AAK1: variants seen among roughly 807,000 people sequenced by gnomAD.
AAK1 encodes the protein AP2 associated kinase 1, also known as AP2-associated protein kinase 1.
Under a neutral mutation model 116.0 loss-of-function variants are expected in AAK1, and 37 were observed. That is an observed-to-expected ratio of 0.32 (90% CI 0.25 to 0.42). AAK1 has a LOEUF of 0.42. Ranked by LOEUF, AAK1 falls within the 10% of genes least tolerant of loss-of-function variation. The pLI is 1.00. For synonymous variants in AAK1, 458 were observed against 439.9 expected (o/e 1.04, Z -0.51); for missense variants, 919 against 1,170.6 (o/e 0.79, Z 3.14).
intron 2 of AAK1, among the ~76,000 whole-genome samples, chr2:69,565,278 T>C (rs566445307): frequency 1.2e-4 from 18 of 152,352 alleles, no homozygotes; most frequent in Middle Eastern, 3.4e-3. Flanking sequence ...TAAAAACAGC[T>C]GGATCTTTAG....
chr2:69,480,829 G>T, intron 19 of AAK1, 31 bp downstream of exon 19: 1 of 1,552,888 alleles, frequency 6.4e-7, no homozygotes, highest in Non-Finnish European at 8.7e-7. Flanking sequence ...ACACCGACCA[G>T]TCCCTGCAGC....
chr2:69,527,400 C>A, intron 8 of AAK1, 81 bp from the exon 9 acceptor site: 2 of 931,100 alleles, frequency 2.1e-6, no homozygotes, highest in Non-Finnish European at 3.4e-6. Flanking sequence ...TCTCTCTACT[C>A]CCAATGTTTT....
At chr2:69,600,712 C>T (rs1479868960) in intron 2 of AAK1, among the ~76,000 whole-genome samples, 1 of 152,154 alleles carries the variant, frequency 6.6e-6, no homozygotes, top group Non-Finnish European at 1.5e-5. Flanking sequence ...AAAGCAGCAG[C>T]AGAGTTTGGG....
At chr2:69,517,537 T>TTTTTTTTTTTTTTGAGACGG (rs1553411917) in intron 12 of AAK1, among the ~76,000 whole-genome samples, 1 of 151,426 alleles carries the variant, frequency 6.6e-6, no homozygotes, top group Non-Finnish European at 1.5e-5. Flanking sequence ...TCCCTGATCT[T>TTTTTTTTTTTTTTGAGACGG]AATATCAGTG....
intron 2 of AAK1, among the ~76,000 whole-genome samples, chr2:69,565,452 A>G (rs1442188495): frequency 6.6e-6 from 1 of 152,210 alleles, no homozygotes; most frequent in East Asian, 1.9e-4. Flanking sequence ...TACAACCTCC[A>G]CTTGACCAAC....
Position 69,458,050 on chromosome 2 carries a change from A to C in AAK1, c.*17819T>G, listed in dbSNP as rs550684142. 1.8e-4 allele frequency: 27 copies of C among 152,260 alleles called. No individual in the cohort carries two copies. Among genetic ancestry groups the C allele is most frequent in the African/African-American group, 6.5e-4 (27 of 41,554 alleles). The allele number at this position is 152,260 out of a possible 1,614,324, so 9.4% of individuals were successfully genotyped here. A position where few individuals can be genotyped will look rare whatever the true frequency, so the allele number is the denominator to read the frequency against. On this transcript the variant is annotated 3_prime_UTR_variant, in exon 22 of 22. Transcript: ENST00000409085. ...GGTATAGGAGTTTACAACTCAAAAC[A>C]ATTCATAAAACCTATCAGATACATA...
At position 69,467,091 on chromosome 2, in the gene AAK1, CAA is replaced by C. The variant is rs2104862397; in HGVS notation, c.*8776_*8777del. The C allele has an allele frequency of 1.0e-6, 1 of 985,426 alleles. No individual in the cohort carries two copies. The highest frequency in any genetic ancestry group is 1.7e-5 in the African/African-American group (1 of 57,366). 61.0% of individuals were successfully genotyped at this position (985,426 alleles called of 1,614,324 possible). On this transcript the variant is annotated 3_prime_UTR_variant, in exon 22 of 22. Transcript: ENST00000409085. ...GATGACTTACATCACAAGCACTACT[CAA>C]AGAGCATACGAGTGCCCAAAATATA...
At chr2:69,637,238 T>C (rs970111724) in intron 2 of AAK1, among the ~76,000 whole-genome samples, 1 of 152,234 alleles carries the variant, frequency 6.6e-6, no homozygotes, top group Admixed American at 6.5e-5. Context: ...CACCTTTCTT[T>C]AGCTTTCCCT....
intron 2 of AAK1, among the ~76,000 whole-genome samples, chr2:69,625,801 CAAT>C (rs752448060): frequency 1.6e-4 from 24 of 152,338 alleles, no homozygotes; most frequent in African/African-American, 3.4e-4. Context: ...TCTTTTCCAA[CAAT>C]GAGTTGTCTC....
Position 69,525,118 on chromosome 2 carries a change from GA to G in AAK1, c.976-7del. 2 of 1,613,558 alleles carry G rather than the reference GA, an allele frequency of 1.2e-6. No individual in the cohort carries two copies. The highest frequency in any genetic ancestry group is 1.7e-6 in the Non-Finnish European group (2 of 1,179,572). On this transcript the variant is annotated splice_region_variant and splice_polypyrimidine_tract_variant and intron_variant, in intron 9 of 21. Coordinates refer to ENST00000409085, the MANE Select transcript of AAK1 (RefSeq NM_014911.5). ...TTTGCAGGAATGGGAGAGTTCTATA[GA>G]ATTGCAAACAAAACAGAACAAAACA...
rs867289280 is a variant in AAK1, at chr2:69,519,046, G to A, written c.1405C>T (p.Leu469Phe). Residue 469 changes from leucine to phenylalanine, a missense_variant, in exon 12 of 22, where the codon CTC (leucine) becomes TTC (phenylalanine). By Grantham distance (22) the Leu-to-Phe change is conservative. Around this residue, in one of 4 missense-constraint regions of AAK1, gnomAD observed 214 missense variants for 210.6 expected, o/e 1.02. Coordinates refer to ENST00000409085, the MANE Select transcript of AAK1 (RefSeq NM_014911.5). ...ATPQHQQQLF[L>F]KQQQQQQQPP... ...TGTTGCTGCTGCTGTTGCTGCTTGAGGAAGAGTTGCTGCTGGTGCTGGGGT... is the reference window on the plus strand; with the variant it reads ...TGTTGCTGCTGCTGTTGCTGCTTGAAGAAGAGTTGCTGCTGGTGCTGGGGT... 1 of 1,550,956 alleles carries A rather than the reference G, an allele frequency of 6.4e-7. No homozygotes were observed. Among genetic ancestry groups the A allele is most frequent in the Non-Finnish European group, 8.7e-7 (1 of 1,146,786 alleles).
intron 2 of AAK1, among the ~76,000 whole-genome samples, chr2:69,636,301 A>G (rs759748936): frequency 2.0e-5 from 3 of 152,224 alleles, no homozygotes; most frequent in Non-Finnish European, 4.4e-5. Flanking sequence ...ACATAGTCAC[A>G]CTGCAATGTA....
intron 2 of AAK1, among the ~76,000 whole-genome samples, chr2:69,616,634 C>T (rs779289378): frequency 5.9e-5 from 9 of 152,118 alleles, no homozygotes; most frequent in Non-Finnish European, 1.3e-4. Flanking sequence ...CCCTGACCTC[C>T]ATTCGTTTGA....
At chr2:69,589,708 C>CAAAA (rs762986666) in intron 2 of AAK1, among the ~76,000 whole-genome samples, 80 of 57,530 alleles carry the variant, frequency 1.4e-3, no homozygotes, top group Non-Finnish European at 2.0e-3. Context: ...AACTCTGTCT[C>CAAAA]AAAAAAAAAA....
chr2:69,560,276 CT>C (rs1186919164), intron 2 of AAK1, among the ~76,000 whole-genome samples: 2 of 152,212 alleles, frequency 1.3e-5, no homozygotes, highest in Non-Finnish European at 2.9e-5. Flanking sequence ...GTGCACAGCC[CT>C]GTCTGTCACA....
intron 6 of AAK1, 142 bp from the exon 7 acceptor site, chr2:69,530,848 G>C (rs924467748): frequency 4.8e-6 from 3 of 626,328 alleles, no homozygotes; most frequent in African/African-American, 1.9e-5. Flanking sequence ...TATTAGTAGA[G>C]ATAAAATGAA....
Position 69,480,915 on chromosome 2 carries a change from G to T in AAK1, c.2514C>A (p.Pro838=), listed in dbSNP as rs149516902. The change falls in exon 19 of 22, where the codon CCC becomes CCA. Residue 838 remains proline (P), a synonymous_variant. Transcript: ENST00000409085. ...AVESLIPGLE[P]PVPQRLPSQT... ...GAGATGGGAGGCGCTGGGGAACTGG[G>T]GGCTCCAGTCCTGGTATGAGACTCT... is the stretch of plus-strand genomic sequence containing the variant. The T allele has an allele frequency of 1.9e-4, 310 of 1,607,614 alleles. 1 individual carries two copies. The African/African-American group carries it at 3.9e-3, about 20-fold the overall frequency.
chr2:69,640,905 A>C (rs528758086), intron 2 of AAK1, among the ~76,000 whole-genome samples: 22 of 152,314 alleles, frequency 1.4e-4, no homozygotes, highest in African/African-American at 5.3e-4. Context: ...TCCATCTCTT[A>C]AAGCAGTTGG....
chr2:69,520,518 C>G (rs760626601), intron 11 of AAK1, among the ~76,000 whole-genome samples: 1 of 152,044 alleles, frequency 6.6e-6, no homozygotes, highest in Admixed American at 6.5e-5. Context: ...ACCACAATGC[C>G]TGGCTAATTT....
Sources: allele counts gnomAD v4.1 joint callset (sites outside exome capture counted in the v4.1 genomes callset), GRCh38; gene constraint gnomAD v4.1.1; regional missense constraint gnomAD v4.1.1; transcripts MANE v1.5; gene names NCBI Gene and HGNC (gene_info 2026-07-23, HGNC 2026-07-21).